The following SCAPER variants were observed in gnomAD, a reference collection of about 807,000 sequenced individuals.
SCAPER encodes S-phase cyclin A associated protein in the ER.
SCAPER carries 98 observed loss-of-function variants against 182.2 expected under a neutral mutation model. The ratio of observed to expected loss-of-function variants is 0.54; its 90% CI spans 0.46 to 0.64. The LOEUF is 0.64. Among genes scored for constraint, SCAPER ranks in the 30% least tolerant of loss-of-function variants. The probability of loss-of-function intolerance (pLI) is 0.00; values close to 1 mark genes in which losing one functional copy is unlikely to be tolerated. For missense variants in SCAPER, 1,432 were observed against 1,690.0 expected (o/e 0.85, Z 2.68); for synonymous variants, 605 against 564.6 (o/e 1.07, Z -1.01).
intron 21 of SCAPER, among the ~76,000 whole-genome samples, chr15:76,628,064 G>A (rs1309748555): frequency 1.3e-5 from 2 of 152,186 alleles, no homozygotes; most frequent in Non-Finnish European, 2.9e-5. Context: ...TTCTTCATAT[G>A]TTTGTTGGCC....
chr15:76,584,108 C>T (rs889572906), intron 22 of SCAPER, among the ~76,000 whole-genome samples: 3 of 152,160 alleles, frequency 2.0e-5, no homozygotes, highest in African/African-American at 7.2e-5. Context: ...GAGATCTTGT[C>T]ATTTGCAACA....
intron 5 of SCAPER, among the ~76,000 whole-genome samples, chr15:76,823,589 T>C (rs2151664533): frequency 6.6e-6 from 1 of 151,772 alleles, no homozygotes; most frequent in East Asian, 1.9e-4. Context: ...TGCCAAATTA[T>C]TCACAAATGA....
chr15:76,640,880 G>A (rs956740337), intron 21 of SCAPER, among the ~76,000 whole-genome samples: 3 of 152,206 alleles, frequency 2.0e-5, no homozygotes, highest in Non-Finnish European at 4.4e-5. Context: ...GAGAGCCTAT[G>A]AATGGACGTG....
At chr15:76,555,127 C>G (rs147479259) in intron 23 of SCAPER, among the ~76,000 whole-genome samples, 2 of 152,092 alleles carry the variant, frequency 1.3e-5, no homozygotes, top group Admixed American at 1.3e-4. Flanking sequence ...AATTTCATAT[C>G]CAGCCAAACT....
chr15:76,874,096 G>A (rs928180425), intron 2 of SCAPER, among the ~76,000 whole-genome samples: 4 of 151,982 alleles, frequency 2.6e-5, no homozygotes, highest in African/African-American at 7.2e-5. Flanking sequence ...GTTTCACCAC[G>A]TTGGGCAGGC....
intron 24 of SCAPER, among the ~76,000 whole-genome samples, chr15:76,483,336 T>C (rs962221182): frequency 3.3e-5 from 5 of 151,672 alleles, no homozygotes; most frequent in Non-Finnish European, 5.9e-5. Flanking sequence ...TTTATATTTT[T>C]CACAAAAGTT....
intron 20 of SCAPER, among the ~76,000 whole-genome samples, chr15:76,698,960 C>G (rs1168093969): frequency 6.6e-6 from 1 of 152,190 alleles, no homozygotes; most frequent in Non-Finnish European, 1.5e-5. Context: ...TTGTAATTCT[C>G]ATCTGTAGAC....
chr15:76,687,047 C>G (rs1412228223), intron 20 of SCAPER, among the ~76,000 whole-genome samples: 1 of 151,802 alleles, frequency 6.6e-6, no homozygotes, highest in Non-Finnish European at 1.5e-5. Context: ...TAAACTTCAC[C>G]AGTAAAAGAG....
intron 20 of SCAPER, among the ~76,000 whole-genome samples, chr15:76,688,893 G>A (rs1236751852): frequency 7.5e-6 from 1 of 132,758 alleles, no homozygotes; most frequent in African/African-American, 2.7e-5. Context: ...CTGTCGTCCA[G>A]GCTGGAGTGC....
chr15:76,460,703 A>C (rs1239529890), intron 25 of SCAPER, among the ~76,000 whole-genome samples: 1 of 152,044 alleles, frequency 6.6e-6, no homozygotes, highest in Non-Finnish European at 1.5e-5. Flanking sequence ...TTCCCTTTTA[A>C]ATTCTCTTTC....
intron 15 of SCAPER, among the ~76,000 whole-genome samples, chr15:76,750,959 T>C (rs2062051863): frequency 6.6e-6 from 1 of 151,752 alleles, no homozygotes; most frequent in Non-Finnish European, 1.5e-5. Context: ...TGTTCACAGA[T>C]GATATGAACT....
intron 17 of SCAPER, among the ~76,000 whole-genome samples, chr15:76,707,673 T>G (rs2059327939): frequency 6.6e-6 from 1 of 152,128 alleles, no homozygotes; most frequent in South Asian, 2.1e-4. Flanking sequence ...ATTTTGATAA[T>G]TTTGTCTCAA....
chr15:76,624,245 C>T lies in SCAPER; in HGVS notation c.2646-2416G>A, dbSNP rs142945197. 1.6e-3 allele frequency among the ~76,000 whole-genome samples: 239 copies of T among 152,188 alleles called. 1 individual carries two copies. The highest frequency in any genetic ancestry group is 0.014 in the Middle Eastern group (4 of 294). On this transcript the variant is annotated intron_variant, in intron 21 of 31. Transcript: ENST00000563290. ...CAAAATCAGTAGCATTTCTATACAC[C>T]GATAACATTGAAGGTGAGAGCCAAA...
chr15:76,427,410 T>A (rs1331611396), intron 26 of SCAPER, among the ~76,000 whole-genome samples: 1 of 152,124 alleles, frequency 6.6e-6, no homozygotes, highest in Non-Finnish European at 1.5e-5. Flanking sequence ...ACAAAAGATC[T>A]TAATAGACTT....
intron 28 of SCAPER, chr15:76,379,955 G>A (rs2042839399): frequency 6.6e-6 from 1 of 152,168 alleles, no homozygotes. Context: ...CCCTGTAGCA[G>A]TATAAATGTT....
chr15:76,369,965 A>G (rs1419047694), intron 29 of SCAPER, among the ~76,000 whole-genome samples: 2 of 152,244 alleles, frequency 1.3e-5, no homozygotes, highest in Admixed American at 6.5e-5. Context: ...AAGTCTGCTT[A>G]TAAGTGTCCG....
intron 1 of SCAPER, among the ~76,000 whole-genome samples, chr15:76,897,438 G>GT (rs2074499573): frequency 6.6e-6 from 1 of 152,120 alleles, no homozygotes; most frequent in South Asian, 2.1e-4. Context: ...AGGCACAGTG[G>GT]CTCACACCTG....
intron 1 of SCAPER, among the ~76,000 whole-genome samples, chr15:76,886,962 G>A (rs1169363665): frequency 6.6e-6 from 1 of 152,116 alleles, no homozygotes; most frequent in African/African-American, 2.4e-5. Flanking sequence ...AGAACACATG[G>A]ACACATAGAG....
chr15:76,417,247 C>T (rs1486212051), intron 26 of SCAPER, among the ~76,000 whole-genome samples: 1 of 151,908 alleles, frequency 6.6e-6, no homozygotes, highest in African/African-American at 2.4e-5. Context: ...AGAAACTGTA[C>T]TCTTCTGTGT....
Sources: gnomAD v4.1 joint callset for allele counts (sites outside exome capture counted in the v4.1 genomes callset) on GRCh38, gnomAD v4.1.1 for gene constraint, MANE v1.5 for transcripts, NCBI Gene and HGNC (gene_info 2026-07-23, HGNC 2026-07-21) for gene names.